The following TMEM184A variants were observed in gnomAD, a reference collection of about 807,000 sequenced individuals.
The protein encoded by TMEM184A is transmembrane protein 184A.
A neutral mutation model predicts 39.5 loss-of-function variants in TMEM184A; 40 were observed. The ratio of observed to expected loss-of-function variants is 1.01; its 90% CI spans 0.79 to 1.32. The LOEUF is 1.32. TMEM184A is among the 40% of genes most tolerant of loss of function. TMEM184A has a pLI of 0.00. For missense variants in TMEM184A, 603 were observed against 568.8 expected, an observed-to-expected ratio of 1.06 and a Z score of -0.61; for synonymous variants, 280 against 252.3, an observed-to-expected ratio of 1.11 and a Z score of -1.04.
chr7:1,551,659 G>A (rs1024412146), intron 2 of TMEM184A, among the ~76,000 whole-genome samples: 1 of 152,030 alleles, frequency 6.6e-6, no homozygotes, highest in Non-Finnish European at 1.5e-5. Flanking sequence ...TTTTATGGCC[G>A]GGTGCAGTGG....
chr7:1,549,997 G>A (rs1266688385), intron 5 of TMEM184A, 52 bp from the exon 6 acceptor site: 6 of 1,605,120 alleles, frequency 3.7e-6, no homozygotes, highest in Non-Finnish European at 4.3e-6. Flanking sequence ...CAGGGGCCCA[G>A]GAATGGGGAT....
intron 6 of TMEM184A, 158 bp downstream of exon 6, chr7:1,549,696 C>T (rs1178143436): frequency 1.3e-6 from 1 of 749,016 alleles, no homozygotes; most frequent in Non-Finnish European, 2.4e-6. Flanking sequence ...CGCTGGGCCC[C>T]AGGGGACCCA....
At position 1,550,979 on chromosome 7, in the gene TMEM184A, A is replaced by G. The variant is rs1352998769; in HGVS notation, c.223T>C (p.Tyr75His). Reference sequence around the variant, plus strand: ...ACGGTGTAGGAGCGCAGGTGCAGATAGATCTGGGCGCAGGAGGGGTCGCAT... The same window carrying G: ...ACGGTGTAGGAGCGCAGGTGCAGATGGATCTGGGCGCAGGAGGGGTCGCAT... ...TALVLTCHQI[Y>H]LHLRSYTVPQ... Residue 75 changes from tyrosine to histidine, a missense_variant, in exon 3 of 9, where the codon TAT becomes CAT. Tyr to His is a moderately conservative substitution (Grantham distance 83). Transcript: ENST00000297477. 1.9e-6 allele frequency: 3 copies of G among 1,610,188 alleles called. No homozygotes were observed. The highest frequency in any genetic ancestry group is 2.5e-6 in the Non-Finnish European group (3 of 1,178,468).
At chr7:1,553,586 C>T (rs1416194203) in intron 2 of TMEM184A, among the ~76,000 whole-genome samples, 1 of 152,106 alleles carries the variant, frequency 6.6e-6, no homozygotes, top group African/African-American at 2.4e-5. Flanking sequence ...TGGCGGTGGG[C>T]GAGCAGAGGC....
At chr7:1,549,438 G>T in intron 6 of TMEM184A, 2 of 419,480 alleles carry the variant, frequency 4.8e-6, no homozygotes, top group Non-Finnish European at 9.9e-6. Flanking sequence ...TGGCCCAGGT[G>T]CCCTTAATGC....
chr7:1,553,169 T>G (rs528965631), intron 2 of TMEM184A, among the ~76,000 whole-genome samples: 33 of 152,270 alleles, frequency 2.2e-4, no homozygotes, highest in Non-Finnish European at 3.7e-4. Context: ...ATTTTTTTTA[T>G]TGAGACGGAG....
chr7:1,549,861 C>A lies in TMEM184A; in HGVS notation c.637G>T (p.Asp213Tyr). 6.2e-7 allele frequency: 1 copy of A among 1,604,744 alleles called. No individual in the cohort carries two copies. The highest frequency in any genetic ancestry group is 1.1e-5 in the South Asian group (1 of 89,948). Residue 213 changes from aspartate to tyrosine, a missense_variant, in exon 6 of 9, where the codon GAC becomes TAC. Transcript: ENST00000297477. ...LQAFGKYHDG[D>Y]FNVRSGYLYV... ...CCGCAGCTCCCGCCTTACTTGAAGT[C>A]CCCGTCGTGGTATTTGCCAAATGCC...
chr7:1,548,638 C>G lies in TMEM184A; in HGVS notation c.695G>C (p.Ser232Thr), dbSNP rs749105734. The G allele has an allele frequency of 6.2e-7, 1 of 1,613,924 alleles. No individual in the cohort carries two copies. Among genetic ancestry groups the G allele is most frequent in the South Asian group, 1.1e-5 (1 of 91,084 alleles). ...YVTLIYNASVSLALYALFLFY... is the reference protein window; with the variant it reads ...YVTLIYNASVTLALYALFLFY... ...GAGGAACAGGGCGTAGAGGGCGAGG[C>G]TGACGGAGGCGTTGTAGATGAGGGT... Residue 232 changes from serine to threonine, a missense_variant, in exon 7 of 9, where the codon AGC (serine) becomes ACC (threonine). Ser to Thr is a moderately conservative substitution (Grantham distance 58). Transcript: ENST00000297477.
chr7:1,546,749 G>A lies in TMEM184A; in HGVS notation c.*203C>T. On this transcript the variant is annotated 3_prime_UTR_variant, in exon 9 of 9. Coordinates refer to ENST00000297477, the MANE Select transcript of TMEM184A (RefSeq NM_001097620.2). ...TCAGGTGCCCTCTCCTGCGGTGGCG[G>A]GCCCACCTGGGTGCCTGCCAGGGCC... 1.9e-6 allele frequency: 1 copy of A among 526,368 alleles called. No homozygotes were observed. The highest frequency in any genetic ancestry group is 3.3e-6 in the Non-Finnish European group (1 of 299,944). 32.6% of individuals were successfully genotyped at this position (526,368 alleles called of 1,614,324 possible). A position where few individuals can be genotyped will look rare whatever the true frequency, so the allele number is the denominator to read the frequency against.
At chr7:1,547,695 G>A (rs774739956) in intron 8 of TMEM184A, 47 bp downstream of exon 8, 2 of 1,558,496 alleles carry the variant, frequency 1.3e-6, no homozygotes, top group South Asian at 1.2e-5. Flanking sequence ...CGGTGCCCGG[G>A]GCAGGGCTGT....
chr7:1,551,492 C>T (rs959877698), intron 2 of TMEM184A, among the ~76,000 whole-genome samples: 1 of 152,186 alleles, frequency 6.6e-6, no homozygotes, highest in African/African-American at 2.4e-5. Context: ...CAATGGGCAT[C>T]CTTATTACAA....
rs1326548434 is a variant in TMEM184A, at chr7:1,554,003, C to T, written c.219+1263G>A. Among the ~76,000 whole-genome samples, 3 of 152,124 alleles carry T rather than the reference C, an allele frequency of 2.0e-5. No homozygotes were observed. The South Asian group carries it at 6.2e-4, about 31-fold the overall frequency. On this transcript the variant is annotated intron_variant, in intron 2 of 8. Coordinates refer to ENST00000297477, the MANE Select transcript of TMEM184A (RefSeq NM_001097620.2). ...ACACAGCCGGTTCCCAGGATTACAG[C>T]GGAAAGACGGCCTCCTCCGGGAAGC... is the stretch of plus-strand genomic sequence containing the variant.
Position 1,546,870 on chromosome 7 carries a change from G to T in TMEM184A, c.*82C>A. Reference sequence around the variant, plus strand: ...TCAGGAGAGGCCCCACCTTTGGCAGGAGTTGGTGGGTGGGGGGACCCTGTT... The same window carrying T: ...TCAGGAGAGGCCCCACCTTTGGCAGTAGTTGGTGGGTGGGGGGACCCTGTT... On this transcript the variant is annotated 3_prime_UTR_variant, in exon 9 of 9. Transcript: ENST00000297477. The T allele has an allele frequency of 1.1e-6, 1 of 950,156 alleles. No individual in the cohort carries two copies. The highest frequency in any genetic ancestry group is 1.5e-6 in the Non-Finnish European group (1 of 659,574). The allele number at this position is 950,156 out of a possible 1,614,324, so 58.9% of individuals were successfully genotyped here.
rs752851843 is a variant in TMEM184A, at chr7:1,555,361, A to T, written c.124T>A (p.Ser42Thr). The change falls in exon 2 of 9, where the codon TCC becomes ACC. Residue 42 changes from serine (S) to threonine (T), a missense_variant. Transcript: ENST00000297477. The surrounding 1 kb of genome is among the most constrained non-coding windows in gnomAD (Gnocchi z 5.2). ...AGGAAGAGCCAGGGGGCCCCCTGGG[A>T]GCTGTTCCCCATGTGGTCCATCTGC... is the stretch of plus-strand genomic sequence containing the variant. ...GPQMDHMGNSSQGAPWLFLTS... is the reference protein window; with the variant it reads ...GPQMDHMGNSTQGAPWLFLTS... 6.2e-7 allele frequency: 1 copy of T among 1,610,602 alleles called. No individual in the cohort carries two copies. The highest frequency in any genetic ancestry group is 1.7e-5 in the Admixed American group (1 of 59,740).
chr7:1,549,302 G>A, intron 6 of TMEM184A: 1 of 424,338 alleles, frequency 2.4e-6, no homozygotes, highest in South Asian at 1.7e-5. Flanking sequence ...GTGTGGTGTT[G>A]GTGAGCACCT....
At chr7:1,554,267 C>G (rs1306750677) in intron 2 of TMEM184A, among the ~76,000 whole-genome samples, 1 of 152,180 alleles carries the variant, frequency 6.6e-6, no homozygotes, top group Non-Finnish European at 1.5e-5. Context: ...GAGATGCTCC[C>G]TCGGAGACTT....
In TMEM184A at chr7:1,548,585, G is replaced by T. The variant is rs550093329; in HGVS notation, c.748C>A (p.Arg250=). The T allele has an allele frequency of 1.2e-6, 2 of 1,613,896 alleles. No homozygotes were observed. Among genetic ancestry groups the T allele is most frequent in the Non-Finnish European group, 1.7e-6 (2 of 1,179,978 alleles). The part of the protein sequence containing the change: ...LFYFTTRELL[R]PFQPVLKFLT... Reference sequence around the variant, plus strand: ...AACTTGAGGACGGGCTGGAAGGGCCGCAGGAGCTCCCTGGTGGTGAAGTAG... The same window carrying T: ...AACTTGAGGACGGGCTGGAAGGGCCTCAGGAGCTCCCTGGTGGTGAAGTAG... Residue 250 remains arginine, a synonymous_variant, in exon 7 of 9, where the codon CGG becomes AGG. Transcript: ENST00000297477.
chr7:1,548,743 C>T (rs751639977), intron 6 of TMEM184A, 55 bp from the exon 7 acceptor site: 1 of 1,590,590 alleles, frequency 6.3e-7, no homozygotes, highest in Non-Finnish European at 8.6e-7. Flanking sequence ...CCACTGTCCC[C>T]ACCCTAGAGC....
In TMEM184A at chr7:1,542,540, G is replaced by A. The variant is rs1784219790; in HGVS notation, c.*4412C>T. 6.6e-6 allele frequency: 1 copy of A among 152,314 alleles called. No individual in the cohort carries two copies. Among genetic ancestry groups the A allele is most frequent in the Non-Finnish European group, 1.5e-5 (1 of 68,066 alleles). 9.4% of individuals were successfully genotyped at this position (152,314 alleles called of 1,614,324 possible). A position where few individuals can be genotyped will look rare whatever the true frequency, so the allele number is the denominator to read the frequency against. ...TGCCCTTGGCCTGCAGTGCTTTGCT[G>A]GAGAAGGGACTCCCTGGTCCCCAGG... On this transcript the variant is annotated 3_prime_UTR_variant, in exon 9 of 9. Coordinates refer to ENST00000297477, the MANE Select transcript of TMEM184A (RefSeq NM_001097620.2).
Sources: gnomAD v4.1 joint callset for allele counts (sites outside exome capture counted in the v4.1 genomes callset) on GRCh38, gnomAD v4.1.1 for gene constraint, Gnocchi (gnomAD v3.1) non-coding constraint, MANE v1.5 for transcripts, NCBI Gene and HGNC (gene_info 2026-07-23, HGNC 2026-07-21) for gene names.